Variants in C5orf24 observed in about 807,000 individuals in gnomAD.
C5orf24 encodes chromosome 5 open reading frame 24, also known as UPF0461 protein C5orf24.
A neutral mutation model predicts 9.8 loss-of-function variants in C5orf24; 4 were observed. That is an observed-to-expected ratio of 0.41 (90% CI 0.20 to 0.93). C5orf24 has a LOEUF of 0.93. C5orf24 is among the 40% of genes least tolerant of loss of function. The probability of loss-of-function intolerance (pLI) is 0.33; values close to 1 mark genes in which losing one functional copy is unlikely to be tolerated. For synonymous variants in C5orf24, 73 were observed against 81.3 expected (o/e 0.90, Z 0.55); for missense variants, 170 against 236.9 (o/e 0.72, Z 1.85).
At chr5:134,852,183 G>A (rs1035156880) in intron 1 of C5orf24, among the ~76,000 whole-genome samples, 3 of 152,142 alleles carry the variant, frequency 2.0e-5, no homozygotes, top group African/African-American at 7.2e-5. Context: ...TTTGTGATCC[G>A]CCTGCCTCGG....
At chr5:134,848,419 G>GCTGT in intron 1 of C5orf24, among the ~76,000 whole-genome samples, 1 of 151,842 alleles carries the variant, frequency 6.6e-6, no homozygotes. Flanking sequence ...CACTTTGGGA[G>GCTGT]GCCAAGGCAG....
the C5orf24 span, among the ~76,000 whole-genome samples, chr5:134,837,113 A>G: frequency 1.3e-4 from 20 of 152,144 alleles, no homozygotes; most frequent in South Asian, 1.7e-3. Flanking sequence ...AGCTGGGACT[A>G]TAGGCATGCG....
chr5:134,839,757 T>C, the C5orf24 span, among the ~76,000 whole-genome samples: 1 of 150,798 alleles, frequency 6.6e-6, no homozygotes, highest in Non-Finnish European at 1.5e-5. Context: ...TGGCGCAGTC[T>C]CAGCTCACTT....
Position 134,857,814 on chromosome 5 carries a change from C to T in C5orf24, c.*2347C>T, listed in dbSNP as rs1375555759. The T allele has an allele frequency of 5.8e-6, 1 of 171,974 alleles. No individual in the cohort carries two copies. The highest frequency in any genetic ancestry group is 1.4e-5 in the Non-Finnish European group (1 of 71,732). The allele number at this position is 171,974 out of a possible 1,614,324, so 10.7% of individuals were successfully genotyped here. On this transcript the variant is annotated 3_prime_UTR_variant, in exon 2 of 2. Transcript: ENST00000394976. ...TTTAATGTTCTACCATAGAATAATGCACACCATTGTCAAAGATTTGATTAT... is the reference window on the plus strand; with the variant it reads ...TTTAATGTTCTACCATAGAATAATGTACACCATTGTCAAAGATTTGATTAT...
the C5orf24 span, among the ~76,000 whole-genome samples, chr5:134,839,200 CAAAA>C: frequency 2.9e-4 from 35 of 121,328 alleles, no homozygotes; most frequent in African/African-American, 1.0e-3. Flanking sequence ...GACCCTGTCT[CAAAA>C]AAAAAAAAAA....
intron 1 of C5orf24, among the ~76,000 whole-genome samples, chr5:134,853,292 C>T (rs368210453): frequency 1.3e-5 from 2 of 148,912 alleles, no homozygotes; most frequent in Non-Finnish European, 3.0e-5. Flanking sequence ...ACCCAGGAGG[C>T]GGAGGTTGCG....
At chr5:134,840,834 C>G (rs971960221), upstream of C5orf24, among the ~76,000 whole-genome samples, 4 of 152,134 alleles carry the variant, frequency 2.6e-5, no homozygotes, top group East Asian at 1.9e-4. Flanking sequence ...TTGCACCTGT[C>G]TGGGAGGCTC....
At chr5:134,844,015 T>C (rs186866816), upstream of C5orf24, among the ~76,000 whole-genome samples, 18 of 152,360 alleles carry the variant, frequency 1.2e-4, no homozygotes, top group Admixed American at 3.9e-4. Context: ...AACTCAGGGC[T>C]GCCTGACTTC....
the C5orf24 span, among the ~76,000 whole-genome samples, chr5:134,838,462 G>C: frequency 6.6e-6 from 1 of 152,118 alleles, no homozygotes; most frequent in Non-Finnish European, 1.5e-5. Context: ...CCTGAGGTCA[G>C]TTTGAGACCA....
chr5:134,856,442 A>G lies in C5orf24; in HGVS notation c.*975A>G. 1 of 456,920 alleles carries G rather than the reference A, an allele frequency of 2.2e-6. No homozygotes were observed. The highest frequency in any genetic ancestry group is 3.0e-6 in the Non-Finnish European group (1 of 334,504). The allele number at this position is 456,920 out of a possible 1,614,324, so 28.3% of individuals were successfully genotyped here. On this transcript the variant is annotated 3_prime_UTR_variant, in exon 2 of 2. Transcript: ENST00000394976. ...GATCACTTGAGGTCAGCAGTTCAAG[A>G]CTAGCCTGGCCAACATGGTGAAACC...
the C5orf24 span, among the ~76,000 whole-genome samples, chr5:134,839,304 T>C: frequency 6.6e-6 from 1 of 152,306 alleles, no homozygotes; most frequent in East Asian, 1.9e-4. Flanking sequence ...TGATTGTCCA[T>C]TTCAATGATT....
chr5:134,848,034 C>G (rs1355886727), intron 1 of C5orf24, among the ~76,000 whole-genome samples: 1 of 151,722 alleles, frequency 6.6e-6, no homozygotes, highest in Non-Finnish European at 1.5e-5. Context: ...GGCTTGGGAC[C>G]GGTCGCGGTG....
chr5:134,852,914 C>T (rs1756196594), intron 1 of C5orf24, among the ~76,000 whole-genome samples: 1 of 152,146 alleles, frequency 6.6e-6, no homozygotes, highest in Non-Finnish European at 1.5e-5. Flanking sequence ...ACCTGTAATC[C>T]CAGCACTCTG....
In C5orf24 at chr5:134,858,385, AT is replaced by A. The variant is rs1184133434; in HGVS notation, c.*2922del. On this transcript the variant is annotated 3_prime_UTR_variant, in exon 2 of 2. Transcript: ENST00000394976. ...ATAAACTAAAGACTACATTGTGCAT[AT>A]TTTGTTAACACTGTCTCTTGTTATG... 1.2e-5 allele frequency: 2 copies of A among 166,988 alleles called. No individual in the cohort carries two copies. The highest frequency in any genetic ancestry group is 4.8e-5 in the African/African-American group (2 of 41,458). 10.3% of individuals were successfully genotyped at this position (166,988 alleles called of 1,614,324 possible).
rs1043044439 is a variant in C5orf24, at chr5:134,856,680, T to A, written c.*1213T>A. The A allele has an allele frequency of 2.7e-5, 21 of 765,962 alleles. No homozygotes were observed. Among genetic ancestry groups the A allele is most frequent in the Non-Finnish European group, 3.2e-5 (20 of 619,358 alleles). The allele number at this position is 765,962 out of a possible 1,614,324, so 47.4% of individuals were successfully genotyped here. A position where few individuals can be genotyped will look rare whatever the true frequency, so the allele number is the denominator to read the frequency against. ...ATAAATAAATAAATAAATAAATAAA[T>A]AAAACCATTTATTGATGTTGCTCAT... On this transcript the variant is annotated 3_prime_UTR_variant, in exon 2 of 2. Transcript: ENST00000394976.
intron 1 of C5orf24, among the ~76,000 whole-genome samples, chr5:134,847,758 T>A (rs1242168171): frequency 6.6e-6 from 1 of 150,770 alleles, no homozygotes; most frequent in African/African-American, 2.4e-5. Flanking sequence ...TGGAGTACAG[T>A]GGCACGAACT....
chr5:134,845,352 C>G (rs907975363), upstream of C5orf24, among the ~76,000 whole-genome samples: 24 of 152,208 alleles, frequency 1.6e-4, no homozygotes, highest in African/African-American at 5.5e-4. Flanking sequence ...CTTTCAGTAG[C>G]TGCCCTAATT....
At chr5:134,851,025 T>C (rs1489487588) in intron 1 of C5orf24, among the ~76,000 whole-genome samples, 1 of 150,824 alleles carries the variant, frequency 6.6e-6, no homozygotes, top group Non-Finnish European at 1.5e-5. Flanking sequence ...TATTTATTTA[T>C]TTATTTATTT....
At chr5:134,851,023 T>C (rs1316885693) in intron 1 of C5orf24, among the ~76,000 whole-genome samples, 4 of 150,812 alleles carry the variant, frequency 2.7e-5, no homozygotes, top group Admixed American at 6.6e-5. Context: ...TTTATTTATT[T>C]ATTTATTTAT....
Sources: gnomAD v4.1 joint callset for allele counts (sites outside exome capture counted in the v4.1 genomes callset) on GRCh38, gnomAD v4.1.1 for gene constraint, MANE v1.5 for transcripts, NCBI Gene and HGNC (gene_info 2026-07-23, HGNC 2026-07-21) for gene names.